Variants in CACHD1 observed in about 807,000 individuals in gnomAD.
CACHD1 encodes the protein VWFA and cache domain-containing protein 1.
In CACHD1, 71 loss-of-function variants were observed where a neutral mutation model predicts 138.7. The ratio of observed to expected loss-of-function variants is 0.51; its 90% CI spans 0.42 to 0.62. The LOEUF (loss-of-function observed/expected upper bound fraction) is 0.62, where lower values mean the gene tolerates loss of function less well. Among genes scored for constraint, CACHD1 ranks in the 20% least tolerant of loss-of-function variants. CACHD1 has a pLI of 0.00. For synonymous variants in CACHD1, 578 were observed against 591.5 expected (o/e 0.98, Z 0.33); for missense variants, 1,389 against 1,625.3 (o/e 0.85, Z 2.50).
chr1:64,625,614 G>A (rs1648069017), intron 4 of CACHD1, among the ~76,000 whole-genome samples: 1 of 150,580 alleles, frequency 6.6e-6, no homozygotes, highest in Non-Finnish European at 1.5e-5. Context: ...GTGATAGAGT[G>A]AGACTCAGTC....
chr1:64,483,864 T>TCC (rs11297820), intron 1 of CACHD1, among the ~76,000 whole-genome samples: 40 of 130,594 alleles, frequency 3.1e-4, no homozygotes, highest in African/African-American at 9.7e-4. Flanking sequence ...TCTTTTACCT[T>TCC]CCCCCCCCCC....
At chr1:64,474,186 G>T (rs1646161402) in intron 1 of CACHD1, among the ~76,000 whole-genome samples, 1 of 152,188 alleles carries the variant, frequency 6.6e-6, no homozygotes, top group Non-Finnish European at 1.5e-5. Context: ...ATACATCATG[G>T]ATAAAAGTCA....
intron 16 of CACHD1, among the ~76,000 whole-genome samples, chr1:64,667,805 C>A (rs1403952270): frequency 6.6e-6 from 1 of 152,206 alleles, no homozygotes; most frequent in Non-Finnish European, 1.5e-5. Flanking sequence ...ACTGACTCCT[C>A]TCACCTGGCA....
At chr1:64,559,879 G>A (rs1270468176) in intron 2 of CACHD1, among the ~76,000 whole-genome samples, 3 of 151,900 alleles carry the variant, frequency 2.0e-5, no homozygotes, top group Non-Finnish European at 4.4e-5. Flanking sequence ...TTTTGTTTTT[G>A]TTTCCTTGTT....
intron 13 of CACHD1, 146 bp downstream of exon 13, chr1:64,659,019 T>C: frequency 1.5e-6 from 1 of 671,242 alleles, no homozygotes; most frequent in Non-Finnish European, 2.4e-6. Context: ...TGAAAACGAT[T>C]TGAAGCCTGG....
chr1:64,674,864 A>G (rs1442361317), intron 19 of CACHD1, among the ~76,000 whole-genome samples: 1 of 152,220 alleles, frequency 6.6e-6, no homozygotes. Context: ...TGGAATGAAG[A>G]AAAGGGATAC....
At chr1:64,676,013 A>C (rs1450642912) in intron 21 of CACHD1, 30 bp downstream of exon 21, 1 of 441,000 alleles carries the variant, frequency 2.3e-6, no homozygotes, top group East Asian at 1.9e-4. Context: ...TAATAATAAT[A>C]ATAATAATAA....
chr1:64,552,397 A>G (rs1011930227), intron 2 of CACHD1, among the ~76,000 whole-genome samples: 6 of 152,130 alleles, frequency 3.9e-5, no homozygotes, highest in Non-Finnish European at 8.8e-5. Context: ...TAGTTGATGG[A>G]TATCAAGCAG....
chr1:64,543,427 T>TATATATATATATATATATATATATATA, intron 1 of CACHD1, among the ~76,000 whole-genome samples: 1 of 68,404 alleles, frequency 1.5e-5, no homozygotes, highest in Middle Eastern at 7.5e-3. Flanking sequence ...ATATATATAT[T>TATATATATATATATATATATATATATA]TAAATTAGCC....
intron 1 of CACHD1, among the ~76,000 whole-genome samples, chr1:64,471,565 G>T (rs377315412): frequency 2.6e-5 from 4 of 152,216 alleles, no homozygotes; most frequent in South Asian, 2.1e-4. Context: ...GGGAGCATGG[G>T]GGGAGGGGCT....
intron 13 of CACHD1, among the ~76,000 whole-genome samples, chr1:64,661,860 G>A (rs539320895): frequency 1.3e-5 from 2 of 152,132 alleles, no homozygotes; most frequent in Non-Finnish European, 2.9e-5. Context: ...TTCTGGGAAT[G>A]GCAGACTAGG....
chr1:64,637,077 G>A (rs1648548029), intron 7 of CACHD1, among the ~76,000 whole-genome samples: 1 of 152,190 alleles, frequency 6.6e-6, no homozygotes, highest in Non-Finnish European at 1.5e-5. Flanking sequence ...AAGTACTCAA[G>A]GCAGATTGGC....
chr1:64,622,096 T>C (rs1284889785), intron 4 of CACHD1, among the ~76,000 whole-genome samples: 1 of 152,180 alleles, frequency 6.6e-6, no homozygotes, highest in Non-Finnish European at 1.5e-5. Context: ...CACCAGGCCT[T>C]TTCCAAGTGG....
chr1:64,608,755 ACTCT>A (rs1309159092), intron 4 of CACHD1, among the ~76,000 whole-genome samples: 4 of 149,464 alleles, frequency 2.7e-5, no homozygotes, highest in African/African-American at 4.9e-5. Flanking sequence ...CTACTTTCTC[ACTCT>A]CTCTCTTTTT....
chr1:64,473,368 A>G (rs1416487930), intron 1 of CACHD1, among the ~76,000 whole-genome samples: 1 of 152,194 alleles, frequency 6.6e-6, no homozygotes, highest in African/African-American at 2.4e-5. Flanking sequence ...CTTAGAACAA[A>G]GATTTTGAGC....
At chr1:64,537,835 T>C (rs1646645878) in intron 1 of CACHD1, among the ~76,000 whole-genome samples, 1 of 152,180 alleles carries the variant, frequency 6.6e-6, no homozygotes, top group Non-Finnish European at 1.5e-5. Flanking sequence ...ACCTACATTT[T>C]ATGAATAAGC....
chr1:64,638,670 T>A (rs1648601793), intron 7 of CACHD1, among the ~76,000 whole-genome samples: 1 of 152,152 alleles, frequency 6.6e-6, no homozygotes, highest in African/African-American at 2.4e-5. Flanking sequence ...CCTTTTGATG[T>A]TGACCCCAAG....
intron 1 of CACHD1, among the ~76,000 whole-genome samples, chr1:64,477,789 C>T (rs1264941378): frequency 2.0e-5 from 3 of 150,824 alleles, no homozygotes; most frequent in Non-Finnish European, 4.4e-5. Flanking sequence ...CGCCTGCCAC[C>T]GCGCCCGGCT....
chr1:64,546,238 C>T (rs1330239839), intron 1 of CACHD1, among the ~76,000 whole-genome samples: 2 of 152,176 alleles, frequency 1.3e-5, no homozygotes, highest in Non-Finnish European at 2.9e-5. Context: ...CTCACCCTGC[C>T]TACCCTAACC....
Sources: gnomAD v4.1 joint callset for allele counts (sites outside exome capture counted in the v4.1 genomes callset) on GRCh38, gnomAD v4.1.1 for gene constraint, MANE v1.5 for transcripts, NCBI Gene and HGNC (gene_info 2026-07-23, HGNC 2026-07-21) for gene names.